The following CDHR2 variants were observed in gnomAD, a reference collection of about 807,000 sequenced individuals.
CDHR2 encodes the protein cadherin related family member 2.
In CDHR2, 104 loss-of-function variants were observed where a neutral mutation model predicts 138.6. The ratio of observed to expected loss-of-function variants is 0.75; its 90% CI spans 0.64 to 0.88. The LOEUF is 0.88. Among genes scored for constraint, CDHR2 ranks in the 40% least tolerant of loss-of-function variants. CDHR2 has a pLI of 0.00. For synonymous variants in CDHR2, 755 were observed against 742.8 expected (o/e 1.02, Z -0.27); for missense variants, 1,624 against 1,727.6 (o/e 0.94, Z 1.06).
intron 31 of CDHR2, among the ~76,000 whole-genome samples, chr5:176,595,246 A>G (rs1335175103): frequency 6.6e-6 from 1 of 152,166 alleles, no homozygotes; most frequent in Non-Finnish European, 1.5e-5. Context: ...AGGGCCTGGC[A>G]TTATTTGGAA....
chr5:176,549,665 A>C (rs987571270), intron 1 of CDHR2, among the ~76,000 whole-genome samples: 2 of 152,086 alleles, frequency 1.3e-5, no homozygotes, highest in Non-Finnish European at 2.9e-5. Flanking sequence ...CCAAGTCCTC[A>C]AGGGATGATT....
At chr5:176,589,685 C>T (rs970746239) in intron 24 of CDHR2, 69 bp downstream of exon 24, 1 of 1,336,476 alleles carries the variant, frequency 7.5e-7, no homozygotes, top group Non-Finnish European at 1.1e-6. Context: ...CCCGACAAAA[C>T]CTGGATGGGA....
Position 176,576,448 on chromosome 5 carries a change from T to A in CDHR2, c.1194+263T>A, listed in dbSNP as rs1342325102. On this transcript the variant is annotated intron_variant, in intron 12 of 31. Coordinates refer to ENST00000261944, the MANE Select transcript of CDHR2 (RefSeq NM_017675.6). The surrounding 1 kb of genome is among the most constrained non-coding windows in gnomAD (Gnocchi z 4.5). ...TCAGATGATGCTGAGTAGAACATCATTGTCCGTGGTGATGGGTGGCTGGCG... is the reference window on the plus strand; with the variant it reads ...TCAGATGATGCTGAGTAGAACATCAATGTCCGTGGTGATGGGTGGCTGGCG... Among the ~76,000 whole-genome samples the A allele has an allele frequency of 1.3e-5, 2 of 151,814 alleles. No homozygotes were observed. The highest frequency in any genetic ancestry group is 2.9e-5 in the Non-Finnish European group (2 of 67,946).
rs1758392102 is a variant in CDHR2, at chr5:176,576,769, G to C, written c.1194+584G>C. Among the ~76,000 whole-genome samples the C allele has an allele frequency of 6.6e-6, 1 of 152,044 alleles. No individual in the cohort carries two copies. The highest frequency in any genetic ancestry group is 1.5e-5 in the Non-Finnish European group (1 of 68,006). ...TTTTTGTGTTTTTAGTAGAGATGGA[G>C]TTTCACCATGTTGGCCAGGTTGGTC... On this transcript the variant is annotated intron_variant, in intron 12 of 31. Transcript: ENST00000261944. This position sits in a 1 kb window ranked among gnomAD's most constrained non-coding sequence, Gnocchi z 4.5.
At chr5:176,546,297 G>T (rs1757583727), upstream of CDHR2, among the ~76,000 whole-genome samples, 1 of 152,114 alleles carries the variant, frequency 6.6e-6, no homozygotes, top group African/African-American at 2.4e-5. Flanking sequence ...TCTGTCTAAG[G>T]TCTATTTTCC....
chr5:176,588,875 T>G (rs1758759463), intron 21 of CDHR2, among the ~76,000 whole-genome samples, 156 bp from the exon 22 acceptor site: 1 of 152,094 alleles, frequency 6.6e-6, no homozygotes, highest in South Asian at 2.1e-4. Context: ...GACACACTGT[T>G]TTTTGAAACC....
At position 176,586,815 on chromosome 5, in the gene CDHR2, G is replaced by T; in HGVS notation, c.2829G>T (p.Leu943=). The change falls in exon 21 of 32, where the codon CTG becomes CTT. Residue 943 remains leucine (L), a synonymous_variant. Coordinates refer to ENST00000261944, the MANE Select transcript of CDHR2 (RefSeq NM_017675.6). The part of the protein sequence containing the change: ...KTFVIIPELV[L]PNREVASVRA... ...CAGTGATCATCCCTGAACTCGTGCT[G>T]CCCAACCGGGAGGTGGCTTCTGTCC... is the stretch of plus-strand genomic sequence containing the variant. 6.2e-7 allele frequency: 1 copy of T among 1,609,870 alleles called. No homozygotes were observed. Among genetic ancestry groups the T allele is most frequent in the Non-Finnish European group, 8.5e-7 (1 of 1,178,116 alleles).
At chr5:176,565,642 C>G in intron 2 of CDHR2, 30 bp from the exon 3 acceptor site, 1 of 1,603,108 alleles carries the variant, frequency 6.2e-7, no homozygotes, top group Non-Finnish European at 8.5e-7. Context: ...CAGGGGTGTC[C>G]CGATGTTCCA....
In CDHR2 at chr5:176,576,073, G is replaced by T; in HGVS notation, c.1082G>T (p.Cys361Phe). 1 of 1,614,114 alleles carries T rather than the reference G, an allele frequency of 6.2e-7. No homozygotes were observed. Among genetic ancestry groups the T allele is most frequent in the Non-Finnish European group, 8.5e-7 (1 of 1,180,018 alleles). Residue 361 changes from cysteine (C) to phenylalanine (F), a missense_variant, in exon 12 of 32, where the codon TGC becomes TTC. Cys to Phe is a radical substitution (Grantham distance 205). Coordinates refer to ENST00000261944, the MANE Select transcript of CDHR2 (RefSeq NM_017675.6). This position sits in a 1 kb window ranked among gnomAD's most constrained non-coding sequence, Gnocchi z 4.5. ...TTTTACAACTGCAGCCTCCCAGCCT[G>T]CACCTTCACCCCCGAAGAGGCCCAA... ...PEFYNCSLPA[C>F]TFTPEEAQVN... is the part of the protein sequence containing the mutation.
At chr5:176,544,713 C>T (rs1470017455), upstream of CDHR2, among the ~76,000 whole-genome samples, 1 of 152,192 alleles carries the variant, frequency 6.6e-6, no homozygotes, top group Non-Finnish European at 1.5e-5. Context: ...GCTGGGATTA[C>T]AGGCGTGAGC....
chr5:176,544,603 C>T (rs1757544899), upstream of CDHR2, among the ~76,000 whole-genome samples: 1 of 152,028 alleles, frequency 6.6e-6, no homozygotes, highest in East Asian at 1.9e-4. Flanking sequence ...CAACGCCCGG[C>T]TAATTTTTTG....
intron 16 of CDHR2, among the ~76,000 whole-genome samples, chr5:176,581,117 T>A (rs561589236): frequency 6.6e-6 from 1 of 152,230 alleles, no homozygotes; most frequent in African/African-American, 2.4e-5. Context: ...AGTGGCCGTT[T>A]GTGAGATGAA....
At chr5:176,579,646 A>G (rs2113306411) in intron 16 of CDHR2, among the ~76,000 whole-genome samples, 1 of 152,196 alleles carries the variant, frequency 6.6e-6, no homozygotes, top group East Asian at 1.9e-4. Context: ...TGGAAAAAAT[A>G]AACATCTCCA....
intron 21 of CDHR2, among the ~76,000 whole-genome samples, chr5:176,587,367 G>T (rs891543136): frequency 2.0e-5 from 3 of 152,114 alleles, no homozygotes; most frequent in Admixed American, 1.3e-4. Flanking sequence ...AGAGTCACTT[G>T]AACTCGAGAG....
chr5:176,591,154 C>A (rs1758832123), intron 28 of CDHR2, 56 bp from the exon 29 acceptor site: 1 of 1,232,496 alleles, frequency 8.1e-7, no homozygotes, highest in Non-Finnish European at 1.2e-6. Flanking sequence ...AGGGCCTCCA[C>A]TGGGGACACA....
At position 176,575,353 on chromosome 5, in the gene CDHR2, T is replaced by A. The variant is rs1453421276; in HGVS notation, c.695T>A (p.Val232Glu). 6.2e-7 allele frequency: 1 copy of A among 1,614,226 alleles called. No homozygotes were observed. The highest frequency in any genetic ancestry group is 2.2e-5 in the East Asian group (1 of 44,878). Residue 232 changes from valine (V) to glutamate (E), a missense_variant, in exon 9 of 32, where the codon GTG becomes GAG. This residue lies in a region of CDHR2 where 1,061 missense variants were observed against 1,136.6 expected (regional missense o/e 0.93). Coordinates refer to ENST00000261944, the MANE Select transcript of CDHR2 (RefSeq NM_017675.6). The stretch of plus-strand genomic sequence containing the variant: ...CCTGTCTTCCTGTCCATCTCCGTGG[T>A]GGACCAGCCTGACCTTGACCCCCAG... Reference protein sequence around the residue: ...SLPVFLSISVVDQPDLDPQFV... With the variant: ...SLPVFLSISVEDQPDLDPQFV...
chr5:176,582,994 C>T (rs927774221), intron 17 of CDHR2, among the ~76,000 whole-genome samples: 1 of 152,250 alleles, frequency 6.6e-6, no homozygotes, highest in African/African-American at 2.4e-5. Context: ...CACCACTGCA[C>T]ATAGCAGCCC....
intron 1 of CDHR2, among the ~76,000 whole-genome samples, chr5:176,562,197 A>G (rs1757982743): frequency 1.3e-5 from 2 of 152,060 alleles, no homozygotes; most frequent in Non-Finnish European, 2.9e-5. Flanking sequence ...AGGGCGGAAA[A>G]GATTAGATTA....
At chr5:176,558,521 T>C (rs1225385595) in intron 1 of CDHR2, among the ~76,000 whole-genome samples, 1 of 151,594 alleles carries the variant, frequency 6.6e-6, no homozygotes, top group African/African-American at 2.4e-5. Context: ...GTAGCTGGGA[T>C]TACAGGCATG....
Sources: allele counts gnomAD v4.1 joint callset (sites outside exome capture counted in the v4.1 genomes callset), GRCh38; gene constraint gnomAD v4.1.1; regional missense constraint gnomAD v4.1.1; non-coding constraint Gnocchi (gnomAD v3.1); transcripts MANE v1.5; gene names NCBI Gene and HGNC (gene_info 2026-07-23, HGNC 2026-07-21).